NEMP2: variants seen among roughly 807,000 people sequenced by gnomAD.
NEMP2 encodes the protein nuclear envelope integral membrane protein 2.
NEMP2 carries 53 observed loss-of-function variants against 54.2 expected under a neutral mutation model. The observed-to-expected ratio is 0.98, with a 90% CI of 0.78 to 1.23. The LOEUF (loss-of-function observed/expected upper bound fraction) is 1.23. Ranked by LOEUF, NEMP2 falls within the 50% of genes most tolerant of loss-of-function variation. NEMP2 has a pLI of 0.00. For missense variants in NEMP2, 455 were observed against 511.3 expected (o/e 0.89, Z 1.06); for synonymous variants, 197 against 190.3 (o/e 1.04, Z -0.29).
the NEMP2 span, chr2:190,608,691 C>T: frequency 6.6e-6 from 1 of 152,040 alleles, no homozygotes; most frequent in Non-Finnish European, 1.5e-5. This position sits in a 1 kb window ranked among gnomAD's most constrained non-coding sequence, Gnocchi z 4.9. Flanking sequence ...TAGGTTTGGA[C>T]TGAAAAATAT....
At chr2:190,445,146 G>A in the NEMP2 span, among the ~76,000 whole-genome samples, 1 of 152,226 alleles carries the variant, frequency 6.6e-6, no homozygotes, top group Admixed American at 6.5e-5. Flanking sequence ...TGTGTGAGCT[G>A]AGTCTCAGTT....
chr2:190,532,977 G>C (rs932550801), intron 1 of NEMP2, among the ~76,000 whole-genome samples: 6 of 152,216 alleles, frequency 3.9e-5, no homozygotes, highest in African/African-American at 1.4e-4. Flanking sequence ...AGGCAGAACA[G>C]AAGCTCCAAT....
At chr2:190,621,836 T>C in the NEMP2 span, among the ~76,000 whole-genome samples, 1 of 152,132 alleles carries the variant, frequency 6.6e-6, no homozygotes. Flanking sequence ...GGGCTGGGCA[T>C]GGTGGCTCAT....
the NEMP2 span, among the ~76,000 whole-genome samples, chr2:190,589,201 T>C: frequency 1.3e-5 from 2 of 152,180 alleles, no homozygotes; most frequent in African/African-American, 4.8e-5. The surrounding 1 kb of genome is among the most constrained non-coding windows in gnomAD (Gnocchi z 4.3). Context: ...AGGTCATTTC[T>C]ACCCAGAGAT....
rs1690916301 is a variant in NEMP2 at position 190,525,915 on chromosome 2, A to G, written c.98-537T>C. 6.6e-6 allele frequency among the ~76,000 whole-genome samples: 1 copy of G among 152,210 alleles called. No individual in the cohort carries two copies. Among genetic ancestry groups the G allele is most frequent in the Non-Finnish European group, 1.5e-5 (1 of 68,030 alleles). ...GCTGGAGTGGTAAACCATAGCTACT[A>G]CTATACCATGTGGACTCCATCTTGA... On this transcript the variant is annotated intron_variant, in intron 1 of 8. Transcript: ENST00000409150. This position sits in a 1 kb window ranked among gnomAD's most constrained non-coding sequence, Gnocchi z 5.0.
At chr2:190,483,274 C>T in the NEMP2 span, among the ~76,000 whole-genome samples, 1 of 152,124 alleles carries the variant, frequency 6.6e-6, no homozygotes, top group African/African-American at 2.4e-5. Context: ...GTTACATTTA[C>T]TATAGAATAC....
At chr2:190,488,357 G>A in the NEMP2 span, among the ~76,000 whole-genome samples, 1 of 152,190 alleles carries the variant, frequency 6.6e-6, no homozygotes, top group South Asian at 2.1e-4. The surrounding 1 kb of genome is among the most constrained non-coding windows in gnomAD (Gnocchi z 6.4). Flanking sequence ...AAGTAGAATG[G>A]TGGTTGTCAG....
Position 190,520,907 on chromosome 2 carries a change from T to A in NEMP2, c.214-1724A>T, listed in dbSNP as rs1690730820. Among the ~76,000 whole-genome samples the A allele has an allele frequency of 6.6e-6, 1 of 152,140 alleles. No homozygotes were observed. The stretch of plus-strand genomic sequence containing the variant: ...CCTCCTAATATCCTCAATCTCTTTT[T>A]AGCCACCTAAACTCCATGATCAATT... On this transcript the variant is annotated intron_variant, in intron 2 of 8. Coordinates refer to ENST00000409150, the MANE Select transcript of NEMP2 (RefSeq NM_001142645.2). This position sits in a 1 kb window ranked among gnomAD's most constrained non-coding sequence, Gnocchi z 5.4.
At chr2:190,478,901 G>C in the NEMP2 span, among the ~76,000 whole-genome samples, 2 of 151,878 alleles carry the variant, frequency 1.3e-5, no homozygotes, top group Non-Finnish European at 2.9e-5. Flanking sequence ...AAAACACCAC[G>C]AGAACTAGTA....
chr2:190,431,179 G>A, the NEMP2 span, among the ~76,000 whole-genome samples: 1 of 151,870 alleles, frequency 6.6e-6, no homozygotes, highest in East Asian at 2.0e-4. The surrounding 1 kb of genome is among the most constrained non-coding windows in gnomAD (Gnocchi z 4.4). Flanking sequence ...TCACTTCCCA[G>A]ATGGGATGGT....
the NEMP2 span, among the ~76,000 whole-genome samples, chr2:190,540,073 T>C: frequency 2.2e-4 from 33 of 152,300 alleles, no homozygotes; most frequent in African/African-American, 7.5e-4. Flanking sequence ...CTATGGCCCT[T>C]ATTATTTTGA....
the NEMP2 span, among the ~76,000 whole-genome samples, chr2:190,446,838 C>T: frequency 5.9e-5 from 9 of 152,188 alleles, no homozygotes; most frequent in African/African-American, 1.9e-4. Flanking sequence ...ATGTCAACCT[C>T]CTTCAGAGCC....
the NEMP2 span, among the ~76,000 whole-genome samples, chr2:190,617,485 C>T: frequency 6.6e-6 from 1 of 152,178 alleles, no homozygotes; most frequent in African/African-American, 2.4e-5. This position sits in a 1 kb window ranked among gnomAD's most constrained non-coding sequence, Gnocchi z 5.0. Context: ...ACCCTTCCAC[C>T]TCCCACATTA....
In NEMP2 at chr2:190,521,209, C is replaced by A. The variant is rs1690740479; in HGVS notation, c.214-2026G>T. Among the ~76,000 whole-genome samples the A allele has an allele frequency of 6.6e-6, 1 of 152,158 alleles. No homozygotes were observed. The highest frequency in any genetic ancestry group is 1.5e-5 in the Non-Finnish European group (1 of 68,032). ...CAACTTCTTCCTCAATACTCAACAC[C>A]TTCTCCCCATCCTCTTCTCCACTGT... On this transcript the variant is annotated intron_variant, in intron 2 of 8. Coordinates refer to ENST00000409150, the MANE Select transcript of NEMP2 (RefSeq NM_001142645.2). This position sits in a 1 kb window ranked among gnomAD's most constrained non-coding sequence, Gnocchi z 6.2.
At chr2:190,606,923 T>G in the NEMP2 span, among the ~76,000 whole-genome samples, 2 of 152,196 alleles carry the variant, frequency 1.3e-5, no homozygotes, top group Non-Finnish European at 2.9e-5. Flanking sequence ...AAATAAGACC[T>G]ACTGGCAGCT....
chr2:190,618,987 G>A, the NEMP2 span, among the ~76,000 whole-genome samples: 2,770 of 152,306 alleles, frequency 0.018, 81 homozygotes, highest in African/African-American at 0.063. Context: ...CCAAAATGCT[G>A]AAGTTGGTGA....
chr2:190,534,817 T>C, upstream of NEMP2: 1 of 491,412 alleles, frequency 2.0e-6, no homozygotes, highest in Non-Finnish European at 3.2e-6. Flanking sequence ...AGAGTTGGGC[T>C]CGTTGCTCCA....
chr2:190,604,530 A>C, the NEMP2 span, among the ~76,000 whole-genome samples: 1 of 152,258 alleles, frequency 6.6e-6, no homozygotes, highest in East Asian at 1.9e-4. This position sits in a 1 kb window ranked among gnomAD's most constrained non-coding sequence, Gnocchi z 4.5. Flanking sequence ...GTTTGCATAC[A>C]TTATTGCTAG....
At chr2:190,460,458 C>T in the NEMP2 span, among the ~76,000 whole-genome samples, 17 of 152,146 alleles carry the variant, frequency 1.1e-4, no homozygotes, top group Non-Finnish European at 2.4e-4. Flanking sequence ...TAGCACTTAG[C>T]ATAGAGTATG....
Sources: gnomAD v4.1 joint callset for allele counts (sites outside exome capture counted in the v4.1 genomes callset) on GRCh38, gnomAD v4.1.1 for gene constraint, Gnocchi (gnomAD v3.1) non-coding constraint, MANE v1.5 for transcripts, NCBI Gene and HGNC (gene_info 2026-07-23, HGNC 2026-07-21) for gene names.